The following FREM1 variants were observed in gnomAD, a reference collection of about 807,000 sequenced individuals.
FREM1 encodes FRAS1 related extracellular matrix 1.
A neutral mutation model predicts 210.1 loss-of-function variants in FREM1; 220 were observed. The observed-to-expected ratio is 1.05, with a 90% CI of 0.94 to 1.17. The LOEUF (loss-of-function observed/expected upper bound fraction) is 1.17. Ranked by LOEUF, FREM1 falls within the 50% of genes most tolerant of loss-of-function variation. The pLI is 0.00. For synonymous variants in FREM1, 1,189 were observed against 980.2 expected, an observed-to-expected ratio of 1.21 and a Z score of -3.98; for missense variants, 3,454 against 2,675.5, an observed-to-expected ratio of 1.29 and a Z score of -6.42.
At position 14,789,115 on chromosome 9, in the gene FREM1, C is replaced by A; in HGVS notation, c.3982-1G>T. 1 of 1,575,882 alleles carries A rather than the reference C, an allele frequency of 6.3e-7. No individual in the cohort carries two copies. Among genetic ancestry groups the A allele is most frequent in the Non-Finnish European group, 8.6e-7 (1 of 1,159,044 alleles). Reference sequence around the variant, plus strand: ...AGAGAGGAACCCAGTCCCTCCCTATCTGGAAGGAGCCAGAGTTAGTCAGCT... The same window carrying A: ...AGAGAGGAACCCAGTCCCTCCCTATATGGAAGGAGCCAGAGTTAGTCAGCT... On this transcript the variant is annotated splice_acceptor_variant, in intron 22 of 36. Coordinates refer to ENST00000380880, the MANE Select transcript of FREM1 (RefSeq NM_001379081.2). LOFTEE classifies it high-confidence loss of function.
Position 14,737,564 on chromosome 9 carries a change from C to T in FREM1, c.6372G>A (p.Trp2124Ter). 5 of 1,594,636 alleles carry T rather than the reference C, an allele frequency of 3.1e-6. No homozygotes were observed. Among genetic ancestry groups the T allele is most frequent in the Non-Finnish European group, 4.3e-6 (5 of 1,170,596 alleles). Reference protein sequence around the residue: ...GLNDQVHAGHWEWIGGEPVAF... With the variant: ...GLNDQVHAGH ...CAACAGGTTCACCACCGATCCACTCCCAGTGGCCAGCATGCACTTGGTCGT... is the reference window on the plus strand; with the variant it reads ...CAACAGGTTCACCACCGATCCACTCTCAGTGGCCAGCATGCACTTGGTCGT... The change falls in exon 37 of 37, where the codon TGG becomes TGA. Residue 2124 changes from tryptophan (W) to a stop codon, truncating the protein, a stop_gained. Transcript: ENST00000380880. LOFTEE classifies it high-confidence loss of function.
chr9:14,870,100 G>T (rs1832316120), intron 1 of FREM1, among the ~76,000 whole-genome samples: 1 of 152,184 alleles, frequency 6.6e-6, no homozygotes, highest in African/African-American at 2.4e-5. Flanking sequence ...ATAATTAGGT[G>T]AACAAATAGT....
At chr9:14,780,003 T>C (rs947303616) in intron 24 of FREM1, among the ~76,000 whole-genome samples, 9 of 152,110 alleles carry the variant, frequency 5.9e-5, no homozygotes, top group Non-Finnish European at 5.9e-5. Context: ...AAGCTAGCAG[T>C]ACACGTGAAA....
chr9:14,908,343 C>T (rs868197251), intron 1 of FREM1, among the ~76,000 whole-genome samples: 3 of 152,180 alleles, frequency 2.0e-5, no homozygotes, highest in African/African-American at 7.2e-5. Context: ...CGCCCAACCC[C>T]TACAGCCCAG....
intron 1 of FREM1, among the ~76,000 whole-genome samples, chr9:14,891,296 A>C (rs1437579901): frequency 6.6e-6 from 1 of 152,204 alleles, no homozygotes; most frequent in African/African-American, 2.4e-5. Context: ...TTGTACAAAC[A>C]ATTGCTGAGT....
intron 9 of FREM1, 75 bp downstream of exon 9, chr9:14,842,241 C>T: frequency 2.2e-6 from 2 of 926,364 alleles, no homozygotes; most frequent in Middle Eastern, 2.5e-4. Flanking sequence ...TTTCAGCAAA[C>T]CCAGAAGGAT....
At chr9:14,775,052 T>G (rs1398567162) in intron 25 of FREM1, among the ~76,000 whole-genome samples, 1 of 152,248 alleles carries the variant, frequency 6.6e-6, no homozygotes, top group African/African-American at 2.4e-5. Context: ...GTAAAGATGC[T>G]GCCTTGTAAG....
chr9:14,906,318 T>C (rs974528761), intron 1 of FREM1, among the ~76,000 whole-genome samples: 39 of 152,340 alleles, frequency 2.6e-4, no homozygotes, highest in African/African-American at 8.9e-4. Context: ...ACCTCTCTGA[T>C]TTAACATTCC....
chr9:14,752,608 A>T (rs1341783396), intron 29 of FREM1, among the ~76,000 whole-genome samples: 1 of 152,228 alleles, frequency 6.6e-6, no homozygotes, highest in Admixed American at 6.5e-5. Flanking sequence ...AGATAGACAG[A>T]TAGGCTAGAA....
At chr9:14,820,352 T>G (rs1386828660) in intron 13 of FREM1, among the ~76,000 whole-genome samples, 1 of 152,166 alleles carries the variant, frequency 6.6e-6, no homozygotes, top group Non-Finnish European at 1.5e-5. Context: ...TCACGGGCTC[T>G]GAGGACCCCT....
intron 10 of FREM1, among the ~76,000 whole-genome samples, chr9:14,830,000 G>A (rs573799148): frequency 1.3e-5 from 2 of 152,290 alleles, no homozygotes; most frequent in East Asian, 3.9e-4. Context: ...AGGGAGAAAT[G>A]AAACATGCCC....
chr9:14,866,962 C>A (rs988911945), intron 2 of FREM1, among the ~76,000 whole-genome samples: 2 of 151,964 alleles, frequency 1.3e-5, no homozygotes, highest in Non-Finnish European at 2.9e-5. Context: ...CGGGTTCAAG[C>A]GATTCTTGTG....
intron 1 of FREM1, among the ~76,000 whole-genome samples, chr9:14,886,917 A>G (rs1045023873): frequency 2.7e-5 from 4 of 148,650 alleles, no homozygotes; most frequent in African/African-American, 7.4e-5. Flanking sequence ...AAAAAAAAAA[A>G]AAGAAGCTAT....
chr9:14,740,255 G>A (rs762925661), intron 35 of FREM1, 21 bp from the exon 36 acceptor site: 1 of 1,547,404 alleles, frequency 6.5e-7, no homozygotes. Context: ...ATGAAAATGA[G>A]AGTATCAGCA....
chr9:14,868,280 AT>A (rs1294502756), intron 2 of FREM1, among the ~76,000 whole-genome samples: 1 of 152,160 alleles, frequency 6.6e-6, no homozygotes, highest in African/African-American at 2.4e-5. Context: ...CTCCAATGTA[AT>A]TCTCTTACAT....
At chr9:14,782,218 G>A (rs1437054705) in intron 24 of FREM1, 1 of 297,826 alleles carries the variant, frequency 3.4e-6, no homozygotes, top group African/African-American at 2.3e-5. Context: ...ATTATCTGAG[G>A]ATCCAGAAAT....
chr9:14,890,363 C>T (rs991616369), intron 1 of FREM1, among the ~76,000 whole-genome samples: 9 of 152,122 alleles, frequency 5.9e-5, no homozygotes, highest in African/African-American at 1.4e-4. Flanking sequence ...ATTTTGGAGA[C>T]GTTAAAAGCT....
intron 1 of FREM1, among the ~76,000 whole-genome samples, chr9:14,888,926 T>C (rs576818541): frequency 5.1e-4 from 76 of 150,108 alleles, no homozygotes; most frequent in Admixed American, 1.4e-3. Flanking sequence ...AGAAAAAAAA[T>C]ATCCTTTTCA....
At chr9:14,818,539 G>C (rs180953486) in intron 14 of FREM1, among the ~76,000 whole-genome samples, 23 of 152,278 alleles carry the variant, frequency 1.5e-4, no homozygotes, top group Admixed American at 4.6e-4. Flanking sequence ...GAGTGTGTGG[G>C]TCTACCCGAC....
Sources: allele counts gnomAD v4.1 joint callset (sites outside exome capture counted in the v4.1 genomes callset), GRCh38; gene constraint gnomAD v4.1.1; transcripts MANE v1.5; gene names NCBI Gene and HGNC (gene_info 2026-07-23, HGNC 2026-07-21).